NEK11: variants seen among roughly 807,000 people sequenced by gnomAD.
The protein encoded by NEK11 is serine/threonine-protein kinase Nek11.
NEK11 carries 72 observed loss-of-function variants against 80.7 expected under a neutral mutation model. The observed-to-expected ratio is 0.89, with a 90% CI of 0.74 to 1.08. NEK11 has a LOEUF of 1.08. NEK11 is among the 50% of genes least tolerant of loss of function. The probability of loss-of-function intolerance (pLI) is 0.00; values close to 1 mark genes in which losing one functional copy is unlikely to be tolerated. For missense variants in NEK11, 764 were observed against 763.6 expected (o/e 1.00, Z -0.01); for synonymous variants, 251 against 260.7 (o/e 0.96, Z 0.36).
intron 17 of NEK11, among the ~76,000 whole-genome samples, chr3:131,313,095 T>C (rs1282589145): frequency 6.6e-6 from 1 of 152,170 alleles, no homozygotes; most frequent in East Asian, 1.9e-4. Flanking sequence ...TCTATTACTG[T>C]GTTAGTTCAC....
intron 14 of NEK11, chr3:131,174,829 G>A (rs866432103): frequency 6.2e-7 from 1 of 1,604,240 alleles, no homozygotes; most frequent in Non-Finnish European, 8.5e-7. Flanking sequence ...GAGACTCTAG[G>A]GCCTGGGTCT....
At chr3:131,281,426 G>C (rs1443844701) in intron 17 of NEK11, among the ~76,000 whole-genome samples, 1 of 152,106 alleles carries the variant, frequency 6.6e-6, no homozygotes, top group Non-Finnish European at 1.5e-5. Context: ...GTAGTATATG[G>C]CAATATTCTT....
intron 4 of NEK11, among the ~76,000 whole-genome samples, chr3:131,096,265 T>C (rs1340971815): frequency 6.6e-6 from 1 of 152,002 alleles, no homozygotes; most frequent in East Asian, 1.9e-4. Flanking sequence ...CTCCCACTTA[T>C]AACATGTGAT....
chr3:131,231,786 C>G (rs1304591355), intron 15 of NEK11, among the ~76,000 whole-genome samples: 1 of 151,872 alleles, frequency 6.6e-6, no homozygotes, highest in Non-Finnish European at 1.5e-5. Context: ...TCAGATTGGC[C>G]TCTTCTCCCC....
intron 4 of NEK11, among the ~76,000 whole-genome samples, chr3:131,102,803 C>G (rs1473814594): frequency 6.6e-6 from 1 of 152,100 alleles, no homozygotes; most frequent in Non-Finnish European, 1.5e-5. Flanking sequence ...TCAGGAATAC[C>G]ATTGAGTCAT....
intron 17 of NEK11, among the ~76,000 whole-genome samples, chr3:131,287,009 C>G (rs1258423170): frequency 6.6e-6 from 1 of 152,096 alleles, no homozygotes; most frequent in African/African-American, 2.4e-5. Context: ...ATGGGCAAAA[C>G]CTTAGAAAAA....
intron 4 of NEK11, among the ~76,000 whole-genome samples, chr3:131,106,129 G>C (rs2079139537): frequency 6.6e-6 from 1 of 152,142 alleles, no homozygotes; most frequent in Non-Finnish European, 1.5e-5. Context: ...CTATAGATTG[G>C]AAAACCTGTG....
chr3:131,170,934 C>G (rs373698644), intron 14 of NEK11, 47 bp downstream of exon 14: 513 of 1,427,310 alleles, frequency 3.6e-4, no homozygotes, highest in Non-Finnish European at 4.8e-4. Context: ...AGCTGCTGCA[C>G]AGGTTGCTGT....
At chr3:131,310,020 A>C (rs1463327448) in intron 17 of NEK11, among the ~76,000 whole-genome samples, 7 of 135,856 alleles carry the variant, frequency 5.2e-5, no homozygotes, top group East Asian at 2.2e-4. Flanking sequence ...AAAAAAAAAA[A>C]AAACAACCTG....
At chr3:131,283,226 A>T in intron 17 of NEK11, among the ~76,000 whole-genome samples, 1 of 152,332 alleles carries the variant, frequency 6.6e-6, no homozygotes, top group Non-Finnish European at 1.5e-5. Context: ...TCTAGATCTC[A>T]TCAGGAACTC....
At chr3:131,216,318 G>A (rs552838182) in intron 14 of NEK11, among the ~76,000 whole-genome samples, 2 of 152,158 alleles carry the variant, frequency 1.3e-5, no homozygotes, top group South Asian at 4.1e-4. Flanking sequence ...GTAAGAAGAG[G>A]CAGATCTGGG....
intron 16 of NEK11, among the ~76,000 whole-genome samples, chr3:131,272,464 T>TC (rs1491492538): frequency 4.3e-5 from 2 of 46,942 alleles, no homozygotes; most frequent in African/African-American, 1.3e-4. Flanking sequence ...TTTTAGCTTC[T>TC]TTTTTTTTTT....
intron 5 of NEK11, among the ~76,000 whole-genome samples, chr3:131,116,448 G>A (rs2081247003): frequency 6.6e-6 from 1 of 152,184 alleles, no homozygotes; most frequent in Non-Finnish European, 1.5e-5. Context: ...GTGTGCATGT[G>A]TCTTTATAGC....
At chr3:131,038,984 T>A (rs906831927) in intron 3 of NEK11, among the ~76,000 whole-genome samples, 3 of 152,232 alleles carry the variant, frequency 2.0e-5, no homozygotes, top group Admixed American at 2.0e-4. Flanking sequence ...TAAATAATAG[T>A]AATAATAAAT....
chr3:131,275,880 C>T (rs767818484), intron 17 of NEK11, among the ~76,000 whole-genome samples: 6 of 152,152 alleles, frequency 3.9e-5, no homozygotes, highest in Non-Finnish European at 5.9e-5. Context: ...ACTTCAAATG[C>T]AAAACGTTAA....
intron 5 of NEK11, among the ~76,000 whole-genome samples, chr3:131,128,160 C>T (rs1046254979): frequency 3.3e-5 from 5 of 152,148 alleles, no homozygotes; most frequent in Non-Finnish European, 5.9e-5. Context: ...CCTACATTGA[C>T]AGATCATTAT....
At chr3:131,082,897 C>T (rs1239413085) in intron 4 of NEK11, among the ~76,000 whole-genome samples, 3 of 152,140 alleles carry the variant, frequency 2.0e-5, no homozygotes, top group Non-Finnish European at 4.4e-5. Flanking sequence ...TATAATACAG[C>T]TGTGAGTATT....
At chr3:131,027,598 G>A (rs2064076548) in intron 1 of NEK11, 1 of 152,240 alleles carries the variant, frequency 6.6e-6, no homozygotes, top group Admixed American at 6.5e-5. Context: ...AAGAAGATGT[G>A]TTCGCAGTGC....
chr3:131,134,981 A>T (rs532307107), intron 7 of NEK11, among the ~76,000 whole-genome samples: 16 of 152,350 alleles, frequency 1.1e-4, no homozygotes, highest in Admixed American at 7.8e-4. Context: ...TAAGTAAATA[A>T]TTACTGTATG....
Sources: gnomAD v4.1 joint callset for allele counts (sites outside exome capture counted in the v4.1 genomes callset) on GRCh38, gnomAD v4.1.1 for gene constraint, MANE v1.5 for transcripts, NCBI Gene and HGNC (gene_info 2026-07-23, HGNC 2026-07-21) for gene names.